HECTD4: variants seen among roughly 807,000 people sequenced by gnomAD.
HECTD4 encodes probable E3 ubiquitin-protein ligase HECTD4.
In HECTD4, 114 loss-of-function variants were observed where a neutral mutation model predicts 471.5. The ratio of observed to expected loss-of-function variants is 0.24; its 90% CI spans 0.21 to 0.28. The LOEUF is 0.28. Ranked by LOEUF, HECTD4 falls within the 10% of genes least tolerant of loss-of-function variation. HECTD4 has a pLI of 1.00. For missense variants in HECTD4, 3,866 were observed against 5,651.5 expected, an observed-to-expected ratio of 0.68 and a Z score of 10.13; for synonymous variants, 2,012 against 2,256.0, an observed-to-expected ratio of 0.89 and a Z score of 3.07.
In HECTD4 at chr12:112,269,806, C is replaced by T. The variant is rs145882492; in HGVS notation, c.2219G>A (p.Arg740Gln). The change falls in exon 13 of 76, where the codon CGA (arginine) becomes CAA (glutamine). Residue 740 changes from arginine (R) to glutamine (Q), a missense_variant. Around this residue, in one of 16 missense-constraint regions of HECTD4, gnomAD observed 525 missense variants for 672.6 expected, o/e 0.78. Transcript: ENST00000682272. Reference protein sequence around the residue: ...FFFSPQTERNRDIIRRSGLLL... With the variant: ...FFFSPQTERNQDIIRRSGLLL... Reference sequence around the variant, plus strand: ...CAATCCCGACCGTCGAATGATGTCTCGATTCCTTTCAGTTTGTGGGCTGAA... The same window carrying T: ...CAATCCCGACCGTCGAATGATGTCTTGATTCCTTTCAGTTTGTGGGCTGAA... 38 of 1,613,904 alleles carry T rather than the reference C, an allele frequency of 2.4e-5. No homozygotes were observed. Among genetic ancestry groups the T allele is most frequent in the African/African-American group, 4.0e-5 (3 of 75,030 alleles).
intron 53 of HECTD4, among the ~76,000 whole-genome samples, chr12:112,204,278 C>A (rs549738175): frequency 2.6e-5 from 4 of 152,350 alleles, no homozygotes; most frequent in African/African-American, 7.2e-5. Context: ...CTGCCCCACT[C>A]AGCTCATGCT....
In HECTD4 at chr12:112,207,915, C is replaced by T. The variant is rs2032641090; in HGVS notation, c.8090G>A (p.Arg2697Gln). ...CTTTATCTGGTCCAGGCCCGATTTC[C>T]GCTCTGCTTCATTGCGGAAGCGTCT... Reference protein sequence around the residue: ...IRRRFRNEAERKSGLDQIKGA... With the variant: ...IRRRFRNEAEQKSGLDQIKGA... Residue 2697 changes from arginine (R) to glutamine (Q), a missense_variant, in exon 52 of 76, where the codon CGG becomes CAG. Around this residue, in one of 16 missense-constraint regions of HECTD4, gnomAD observed 266 missense variants for 441.6 expected, o/e 0.60. Coordinates refer to ENST00000682272, the MANE Select transcript of HECTD4 (RefSeq NM_001388303.1). 7 of 1,613,966 alleles carry T rather than the reference C, an allele frequency of 4.3e-6. No homozygotes were observed. Among genetic ancestry groups the T allele is most frequent in the Non-Finnish European group, 5.9e-6 (7 of 1,179,858 alleles).
At chr12:112,216,087 A>T (rs1199597898) in intron 48 of HECTD4, among the ~76,000 whole-genome samples, 1 of 152,220 alleles carries the variant, frequency 6.6e-6, no homozygotes, top group Non-Finnish European at 1.5e-5. Flanking sequence ...GTAACTCTGG[A>T]GTTACCAAAT....
At chr12:112,240,303 C>A (rs1238339624) in intron 32 of HECTD4, among the ~76,000 whole-genome samples, 1 of 152,174 alleles carries the variant, frequency 6.6e-6, no homozygotes, top group Non-Finnish European at 1.5e-5. Flanking sequence ...TCAGAGCCTT[C>A]AGTAAGGGTA....
chr12:112,228,096 T>C lies in HECTD4; in HGVS notation c.6847A>G (p.Arg2283Gly). 6.2e-7 allele frequency: 1 copy of C among 1,611,704 alleles called. No homozygotes were observed. The highest frequency in any genetic ancestry group is 2.2e-5 in the East Asian group (1 of 44,808). Residue 2283 changes from arginine (R) to glycine (G), a missense_variant, in exon 43 of 76, where the codon AGG becomes GGG. This residue lies in a region of HECTD4 where 617 missense variants were observed against 915.1 expected (regional missense o/e 0.67). Transcript: ENST00000682272. This position sits in a 1 kb window ranked among gnomAD's most constrained non-coding sequence, Gnocchi z 4.9. ...MAVVRLLAEI[R>G]TRACLVMAQL... is the part of the protein sequence containing the mutation. ...TGTGGGGAGGGTACTCACCTTGTCCTTATTTCAGCAAGGAGCCGAACGACT... is the reference window on the plus strand; with the variant it reads ...TGTGGGGAGGGTACTCACCTTGTCCCTATTTCAGCAAGGAGCCGAACGACT...
At chr12:112,352,429 G>A (rs558927667) in intron 1 of HECTD4, among the ~76,000 whole-genome samples, 5 of 150,996 alleles carry the variant, frequency 3.3e-5, no homozygotes, top group Admixed American at 6.6e-5. Flanking sequence ...TCCGCCTCCT[G>A]GGCTCAAGCG....
intron 55 of HECTD4, among the ~76,000 whole-genome samples, chr12:112,195,800 A>AT (rs1212780540): frequency 6.6e-6 from 1 of 152,192 alleles, no homozygotes; most frequent in African/African-American, 2.4e-5. Flanking sequence ...CATCGTGGGC[A>AT]TTTTTTTATG....
intron 39 of HECTD4, chr12:112,231,294 A>G: frequency 1.7e-6 from 1 of 579,350 alleles, no homozygotes; most frequent in East Asian, 2.9e-5. Flanking sequence ...CTCAGCCAGG[A>G]GCATCCCTCT....
chr12:112,256,731 T>C lies in HECTD4; in HGVS notation c.3129-213A>G, dbSNP rs1593982003. ...GTTGTCAGATATTATACTTGCTTTT[T>C]TTTTTCTTTTTTGCCTTTTTCCAGG... On this transcript the variant is annotated intron_variant, in intron 20 of 75. Transcript: ENST00000682272. The C allele has an allele frequency of 1.7e-5, 6 of 363,154 alleles. No homozygotes were observed. In the East Asian group the frequency reaches 2.5e-4, roughly 15 times the overall value. The allele number at this position is 363,154 out of a possible 1,614,324, so 22.5% of individuals were successfully genotyped here. A position where few individuals can be genotyped will look rare whatever the true frequency, so the allele number is the denominator to read the frequency against.
chr12:112,326,074 C>G (rs1261685830), intron 1 of HECTD4, among the ~76,000 whole-genome samples: 1 of 152,150 alleles, frequency 6.6e-6, no homozygotes, highest in African/African-American at 2.4e-5. Context: ...CAGGCATGAG[C>G]CACCGCACCT....
intron 1 of HECTD4, among the ~76,000 whole-genome samples, chr12:112,348,268 A>G (rs2135734005): frequency 6.6e-6 from 1 of 152,308 alleles, no homozygotes; most frequent in Middle Eastern, 3.4e-3. Flanking sequence ...GCATCTTTCT[A>G]TTTTTATAAG....
At chr12:112,371,780 G>A (rs1369308886) in intron 1 of HECTD4, among the ~76,000 whole-genome samples, 1 of 150,772 alleles carries the variant, frequency 6.6e-6, no homozygotes, top group African/African-American at 2.4e-5. Context: ...CAGCTACTTG[G>A]AAGGCTGAGG....
chr12:112,370,556 A>G (rs1446267121), intron 1 of HECTD4, among the ~76,000 whole-genome samples: 6 of 152,220 alleles, frequency 3.9e-5, no homozygotes, highest in Non-Finnish European at 5.9e-5. Flanking sequence ...TTACAGAAAG[A>G]TATGTCTAGT....
intron 18 of HECTD4, among the ~76,000 whole-genome samples, chr12:112,259,992 C>CTTAA (rs972583306): frequency 2.0e-5 from 3 of 151,936 alleles, no homozygotes; most frequent in African/African-American, 7.3e-5. Context: ...AATTTACCAT[C>CTTAA]TTAACCATTT....
intron 1 of HECTD4, among the ~76,000 whole-genome samples, chr12:112,333,090 T>G (rs1458799271): frequency 3.9e-5 from 6 of 152,268 alleles, no homozygotes; most frequent in African/African-American, 1.4e-4. Flanking sequence ...CCACATTTTA[T>G]TTATCTATTC....
At chr12:112,324,167 T>G (rs1390944334) in intron 1 of HECTD4, among the ~76,000 whole-genome samples, 2 of 147,852 alleles carry the variant, frequency 1.4e-5, no homozygotes, top group Non-Finnish European at 3.0e-5. Flanking sequence ...CAGGCTGGAG[T>G]ACAGTGGTGC....
At chr12:112,312,407 C>T (rs2035391267) in intron 4 of HECTD4, among the ~76,000 whole-genome samples, 1 of 152,170 alleles carries the variant, frequency 6.6e-6, no homozygotes, top group Non-Finnish European at 1.5e-5. Context: ...GGCAGGGCAG[C>T]AGCCTAGACA....
chr12:112,298,906 G>T (rs1487245819), intron 7 of HECTD4, among the ~76,000 whole-genome samples: 3 of 151,098 alleles, frequency 2.0e-5, no homozygotes, highest in African/African-American at 7.3e-5. Context: ...AACACAAAGT[G>T]CTGGGGTTAC....
intron 70 of HECTD4, among the ~76,000 whole-genome samples, chr12:112,168,952 A>G (rs983122959): frequency 6.6e-6 from 1 of 152,148 alleles, no homozygotes; most frequent in African/African-American, 2.4e-5. Context: ...AGATCAGAGG[A>G]AAGGGGAGAA....
Sources: allele counts gnomAD v4.1 joint callset (sites outside exome capture counted in the v4.1 genomes callset), GRCh38; gene constraint gnomAD v4.1.1; regional missense constraint gnomAD v4.1.1; non-coding constraint Gnocchi (gnomAD v3.1); transcripts MANE v1.5; gene names NCBI Gene and HGNC (gene_info 2026-07-23, HGNC 2026-07-21).